The following MPP7 variants were observed in gnomAD, a reference collection of about 807,000 sequenced individuals.
The protein encoded by MPP7 is MAGUK p55 subfamily member 7.
Under a neutral mutation model 76.5 loss-of-function variants are expected in MPP7, and 60 were observed. That is an observed-to-expected ratio of 0.78 (90% CI 0.64 to 0.97). The LOEUF is 0.97. MPP7 is among the 50% of genes least tolerant of loss of function. MPP7 has a pLI of 0.00. For synonymous variants in MPP7, 237 were observed against 244.5 expected, an observed-to-expected ratio of 0.97 and a Z score of 0.29; for missense variants, 641 against 694.0, an observed-to-expected ratio of 0.92 and a Z score of 0.86.
intron 11 of MPP7, among the ~76,000 whole-genome samples, chr10:28,097,201 C>T (rs902417009): frequency 3.9e-5 from 6 of 152,240 alleles, no homozygotes; most frequent in African/African-American, 1.4e-4. Flanking sequence ...CACCAGGTTG[C>T]ACAGGCTAAC....
At chr10:28,071,850 C>T (rs958416987) in intron 12 of MPP7, among the ~76,000 whole-genome samples, 7 of 152,016 alleles carry the variant, frequency 4.6e-5, no homozygotes, top group Non-Finnish European at 1.5e-5. Flanking sequence ...GGAATAAGAA[C>T]TAGCATTTGG....
intron 6 of MPP7, among the ~76,000 whole-genome samples, chr10:28,128,440 A>G (rs1280138540): frequency 6.6e-6 from 1 of 152,122 alleles, no homozygotes. Context: ...TCAGATCTTC[A>G]GATTTGGGAT....
intron 2 of MPP7, among the ~76,000 whole-genome samples, chr10:28,217,589 A>G (rs572439755): frequency 1.3e-5 from 2 of 151,702 alleles, no homozygotes; most frequent in African/African-American, 4.8e-5. Flanking sequence ...AAGAACTTTT[A>G]ACAAAAAAAG....
At chr10:28,332,246 CGTGTGTGTGTGTGTGT>C (rs4018712) in intron 1 of MPP7, among the ~76,000 whole-genome samples, 2 of 146,894 alleles carry the variant, frequency 1.4e-5, no homozygotes, top group Admixed American at 1.4e-4. Context: ...CAAATGTATG[CGTGTGTGTGTGTGTGT>C]GTGTGTGTGT....
intron 6 of MPP7, among the ~76,000 whole-genome samples, chr10:28,130,572 C>G (rs940004065): frequency 6.6e-6 from 1 of 152,204 alleles, no homozygotes; most frequent in Non-Finnish European, 1.5e-5. Context: ...GCTTCCAGCA[C>G]TTTGCCTACT....
chr10:28,200,287 G>A (rs111774062), intron 3 of MPP7, among the ~76,000 whole-genome samples: 38 of 152,248 alleles, frequency 2.5e-4, no homozygotes, highest in African/African-American at 9.1e-4. Context: ...TAAAAGTTGG[G>A]GGTGGGAGGA....
intron 3 of MPP7, among the ~76,000 whole-genome samples, chr10:28,168,240 A>G (rs545143744): frequency 1.3e-5 from 2 of 152,140 alleles, no homozygotes; most frequent in Non-Finnish European, 2.9e-5. Context: ...GTCTAAAAAA[A>G]GATTATATTT....
At chr10:28,174,322 G>A (rs71489614) in intron 3 of MPP7, among the ~76,000 whole-genome samples, 5 of 152,252 alleles carry the variant, frequency 3.3e-5, no homozygotes, top group African/African-American at 7.2e-5. Context: ...TGGGTCATGC[G>A]GACAGATCCC....
At chr10:28,165,400 C>T (rs1836415921) in intron 3 of MPP7, among the ~76,000 whole-genome samples, 1 of 151,978 alleles carries the variant, frequency 6.6e-6, no homozygotes, top group Non-Finnish European at 1.5e-5. Flanking sequence ...GTGGTGCCCA[C>T]CTATAATCCC....
chr10:28,068,321 G>A lies in MPP7; in HGVS notation c.1204+1451C>T, dbSNP rs546809147. Among the ~76,000 whole-genome samples, 3 of 151,908 alleles carry A rather than the reference G, an allele frequency of 2.0e-5. No homozygotes were observed. In the East Asian group the frequency reaches 5.8e-4, roughly 29 times the overall value. On this transcript the variant is annotated intron_variant, in intron 13 of 16. Coordinates refer to ENST00000683449, the MANE Select transcript of MPP7 (RefSeq NM_001318170.2). ...GCAATAATTTAGAAAAATGTAAAAA[G>A]AAGGAACTTGAGGTCACAGAAAACT...
Position 28,119,649 on chromosome 10 carries a change from A to G in MPP7, c.952+2T>C. On this transcript the variant is annotated splice_donor_variant, in intron 11 of 16. Coordinates refer to ENST00000683449, the MANE Select transcript of MPP7 (RefSeq NM_001318170.2). LOFTEE classifies it high-confidence loss of function. ...TCTCTGCATTCTTATTAACAAACTT[A>G]CATGATTTCCTGTTGGAAACTTTCA... 1 of 1,612,326 alleles carries G rather than the reference A, an allele frequency of 6.2e-7. No homozygotes were observed. Among genetic ancestry groups the G allele is most frequent in the Non-Finnish European group, 8.5e-7 (1 of 1,178,486 alleles).
At chr10:28,225,391 C>T (rs1192153318) in intron 2 of MPP7, among the ~76,000 whole-genome samples, 3 of 152,080 alleles carry the variant, frequency 2.0e-5, no homozygotes, top group Admixed American at 6.6e-5. Context: ...AGACAACCTA[C>T]AAAACAGGAG....
chr10:28,057,395 T>C (rs1851596787), intron 15 of MPP7, among the ~76,000 whole-genome samples: 2 of 152,096 alleles, frequency 1.3e-5, no homozygotes, highest in African/African-American at 4.8e-5. Context: ...GTCATCACAA[T>C]AGTCAGTTCT....
chr10:28,086,624 G>A (rs1055112342), intron 12 of MPP7, among the ~76,000 whole-genome samples: 1 of 152,192 alleles, frequency 6.6e-6, no homozygotes, highest in African/African-American at 2.4e-5. Flanking sequence ...TCAAAAGGTA[G>A]CTGGAATGAT....
At chr10:28,217,383 G>C (rs190768209) in intron 2 of MPP7, among the ~76,000 whole-genome samples, 157 of 151,884 alleles carry the variant, frequency 1.0e-3, no homozygotes, top group African/African-American at 3.6e-3. Flanking sequence ...ACAAATATTA[G>C]CTGGGTGTAC....
chr10:28,133,215 G>A (rs556479402), intron 5 of MPP7, among the ~76,000 whole-genome samples: 17 of 152,294 alleles, frequency 1.1e-4, no homozygotes, highest in African/African-American at 4.1e-4. Context: ...TTTCAAGTCT[G>A]CAATTCACAG....
At chr10:28,140,990 T>G (rs184620097) in intron 5 of MPP7, among the ~76,000 whole-genome samples, 141 of 152,232 alleles carry the variant, frequency 9.3e-4, no homozygotes, top group African/African-American at 3.2e-3. Context: ...AACTTTGGTC[T>G]CAGGATGATT....
chr10:28,136,980 A>G (rs1337379841), intron 5 of MPP7, among the ~76,000 whole-genome samples: 1 of 152,204 alleles, frequency 6.6e-6, no homozygotes, highest in Non-Finnish European at 1.5e-5. Flanking sequence ...TGAAAAAAGT[A>G]TAAACCCACA....
chr10:28,325,588 G>T (rs762138189), intron 2 of MPP7, among the ~76,000 whole-genome samples: 9 of 151,972 alleles, frequency 5.9e-5, no homozygotes, highest in Middle Eastern at 3.4e-3. Context: ...CTGTCTCCCC[G>T]GTCCAAGGGA....
Sources: allele counts gnomAD v4.1 joint callset (sites outside exome capture counted in the v4.1 genomes callset), GRCh38; gene constraint gnomAD v4.1.1; transcripts MANE v1.5; gene names NCBI Gene and HGNC (gene_info 2026-07-23, HGNC 2026-07-21).